NAA15: variants seen among roughly 807,000 people sequenced by gnomAD.
The protein encoded by NAA15 is N-terminal acetyltransferase.
Under a neutral mutation model 114.0 loss-of-function variants are expected in NAA15, and 34 were observed. The observed-to-expected ratio is 0.30, with a 90% CI of 0.23 to 0.40. The LOEUF (loss-of-function observed/expected upper bound fraction) is 0.40, where lower values mean the gene tolerates loss of function less well. NAA15 is among the 10% of genes least tolerant of loss of function. NAA15 has a pLI of 1.00. For missense variants in NAA15, 658 were observed against 1,004.5 expected (o/e 0.66, Z 4.66); for synonymous variants, 340 against 338.0 (o/e 1.01, Z -0.06).
At chr4:139,352,034 A>G (rs916115611) in intron 9 of NAA15, among the ~76,000 whole-genome samples, 2 of 151,690 alleles carry the variant, frequency 1.3e-5, no homozygotes, top group African/African-American at 4.8e-5. Context: ...AGTTTTTTTG[A>G]TGTTCTAATA....
rs892736777 is a variant in NAA15, at chr4:139,380,262, G to C, written c.2155+1408G>C. On this transcript the variant is annotated intron_variant, in intron 17 of 19. Transcript: ENST00000296543. ...TTTGTTTCTCTTTAGTTTTTTTGGG[G>C]GGGGGGAGTATGAAAAATAACTTTG... is the stretch of plus-strand genomic sequence containing the variant. Among the ~76,000 whole-genome samples the C allele has an allele frequency of 4.6e-3, 694 of 151,112 alleles. 3 individuals carry two copies. Among genetic ancestry groups the C allele is most frequent in the African/African-American group, 0.015 (619 of 41,114 alleles).
At chr4:139,387,327 A>C (rs1748937341) in intron 19 of NAA15, among the ~76,000 whole-genome samples, 1 of 152,256 alleles carries the variant, frequency 6.6e-6, no homozygotes, top group Non-Finnish European at 1.5e-5. Context: ...ACTCATTTTC[A>C]TGAACTAATT....
chr4:139,339,780 A>G (rs13126481), intron 3 of NAA15, among the ~76,000 whole-genome samples: 1 of 152,092 alleles, frequency 6.6e-6, no homozygotes. Context: ...AACAACAACA[A>G]AAAACAACAA....
rs1484108002 is a variant in NAA15, at chr4:139,389,326, T to G, written c.*1242T>G. 1 of 152,478 alleles carries G rather than the reference T, an allele frequency of 6.6e-6. No individual in the cohort carries two copies. The highest frequency in any genetic ancestry group is 1.5e-5 in the Non-Finnish European group (1 of 68,020). 9.4% of individuals were successfully genotyped at this position (152,478 alleles called of 1,614,324 possible). A position where few individuals can be genotyped will look rare whatever the true frequency, so the allele number is the denominator to read the frequency against. On this transcript the variant is annotated 3_prime_UTR_variant, in exon 20 of 20. Coordinates refer to ENST00000296543, the MANE Select transcript of NAA15 (RefSeq NM_057175.5). ...AATAAATTGTTTTGAAAAACAGTTG[T>G]GTGAATATTTCAACTAATCTGTGTT...
At chr4:139,385,750 T>C (rs895188869) in intron 18 of NAA15, among the ~76,000 whole-genome samples, 13 of 152,302 alleles carry the variant, frequency 8.5e-5, no homozygotes, top group African/African-American at 2.6e-4. Flanking sequence ...ACTGTTGAGA[T>C]AGGATAGTCC....
intron 1 of NAA15, among the ~76,000 whole-genome samples, chr4:139,308,231 G>A (rs1746092569): frequency 6.6e-6 from 1 of 152,090 alleles, no homozygotes; most frequent in South Asian, 2.1e-4. Context: ...TAAGTGCTAG[G>A]ATTACAGGCA....
At chr4:139,314,821 G>A (rs952103746) in intron 1 of NAA15, among the ~76,000 whole-genome samples, 4 of 151,728 alleles carry the variant, frequency 2.6e-5, no homozygotes, top group Admixed American at 2.0e-4. Context: ...GGGATTACAG[G>A]CGTGTGCCAC....
chr4:139,338,014 C>T (rs1202825543), intron 3 of NAA15, among the ~76,000 whole-genome samples: 1 of 152,162 alleles, frequency 6.6e-6, no homozygotes, highest in Non-Finnish European at 1.5e-5. Flanking sequence ...GTATAGTGTT[C>T]TGCCAATGTT....
Position 139,335,617 on chromosome 4 carries a change from C to T in NAA15, c.140-1231C>T, listed in dbSNP as rs535560568. On this transcript the variant is annotated intron_variant, in intron 2 of 19. Coordinates refer to ENST00000296543, the MANE Select transcript of NAA15 (RefSeq NM_057175.5). ...CTGACCTCAGGTGATCCACCCACCTCGGCCTCCCAAAGTGCTGGAATTACA... is the reference window on the plus strand; with the variant it reads ...CTGACCTCAGGTGATCCACCCACCTTGGCCTCCCAAAGTGCTGGAATTACA... Among the ~76,000 whole-genome samples, 7 of 151,648 alleles carry T rather than the reference C, an allele frequency of 4.6e-5. No individual in the cohort carries two copies. In the East Asian group the frequency reaches 9.8e-4, roughly 21 times the overall value.
rs377353095 is a variant in NAA15 at position 139,337,269 on chromosome 4, TC to T, written c.244+318del. On this transcript the variant is annotated intron_variant, in intron 3 of 19. Transcript: ENST00000296543. ...CGCTACCCCATTTGTTGAAAACTAA[TC>T]ACCAATGTGATAGTGGTAGGTGGTG... Among the ~76,000 whole-genome samples the T allele has an allele frequency of 6.4e-4, 97 of 152,348 alleles. No homozygotes were observed. The South Asian group carries it at 0.019, about 30-fold the overall frequency.
At chr4:139,311,629 T>G (rs1002340983) in intron 1 of NAA15, among the ~76,000 whole-genome samples, 1 of 151,930 alleles carries the variant, frequency 6.6e-6, no homozygotes, top group Non-Finnish European at 1.5e-5. Flanking sequence ...AGAAATGGTA[T>G]CAGGATTAAA....
Position 139,351,482 on chromosome 4 carries a change from G to A in NAA15, c.908-23G>A, listed in dbSNP as rs569551157. On this transcript the variant is annotated intron_variant, in intron 8 of 19. Coordinates refer to ENST00000296543, the MANE Select transcript of NAA15 (RefSeq NM_057175.5). ...AAGTAAATACTTGATAAATATAAGCGAAAAGGATTTTTCTCTTCCAAGGTG... is the reference window on the plus strand; with the variant it reads ...AAGTAAATACTTGATAAATATAAGCAAAAAGGATTTTTCTCTTCCAAGGTG... 9.6e-5 allele frequency: 132 copies of A among 1,381,160 alleles called. 3 individuals carry two copies. The South Asian group carries it at 1.0e-3, about 10-fold the overall frequency. 85.6% of individuals were successfully genotyped at this position (1,381,160 alleles called of 1,614,324 possible).
intron 1 of NAA15, among the ~76,000 whole-genome samples, chr4:139,313,267 G>A: frequency 6.6e-6 from 1 of 151,762 alleles, no homozygotes; most frequent in African/African-American, 2.4e-5. Flanking sequence ...ACAATAAAAT[G>A]GCTAAAATGG....
chr4:139,365,512 G>A (rs1748254703), intron 14 of NAA15, among the ~76,000 whole-genome samples: 1 of 152,040 alleles, frequency 6.6e-6, no homozygotes, highest in South Asian at 2.1e-4. Flanking sequence ...TCTAATTCGT[G>A]AGGTTGTTGA....
intron 1 of NAA15, among the ~76,000 whole-genome samples, chr4:139,319,254 A>T (rs778462593): frequency 2.6e-5 from 4 of 152,138 alleles, no homozygotes; most frequent in Non-Finnish European, 4.4e-5. Flanking sequence ...AGATCATGCT[A>T]CTGCACTCCA....
intron 8 of NAA15, 60 bp from the exon 9 acceptor site, chr4:139,351,423 GTTGGTAAATGTAAGTAAATACT>G (rs1243991607): frequency 1.5e-5 from 16 of 1,065,710 alleles, no homozygotes; most frequent in South Asian, 6.7e-5. Context: ...CTAAATGTAA[GTTGGTAAATGTAAGTAAATACT>G]TTGGTAAATG....
chr4:139,309,426 A>AGT (rs70943412), intron 1 of NAA15, among the ~76,000 whole-genome samples: 4,611 of 143,546 alleles, frequency 0.032, 139 homozygotes, highest in African/African-American at 0.072. Context: ...TTGCTTTTTA[A>AGT]GTGTGTGTGT....
In NAA15 at chr4:139,386,793, GTATGGA is replaced by G. The variant is rs1156779209; in HGVS notation, c.2400+564_2400+569del. On this transcript the variant is annotated intron_variant, in intron 19 of 19. Transcript: ENST00000296543. ...GCTGTGATTGTGACGCTGTACTCCAGTATGGACAACAGGGCAAGACCCTATCTCAAA... is the reference window on the plus strand; with the variant it reads ...GCTGTGATTGTGACGCTGTACTCCAGCAACAGGGCAAGACCCTATCTCAAA... Among the ~76,000 whole-genome samples the G allele has an allele frequency of 6.9e-3, 1,054 of 152,210 alleles. 15 individuals carry two copies. The highest frequency in any genetic ancestry group is 0.024 in the African/African-American group (1,003 of 41,532).
At chr4:139,320,027 A>G (rs150717276) in intron 1 of NAA15, among the ~76,000 whole-genome samples, 1 of 152,284 alleles carries the variant, frequency 6.6e-6, no homozygotes, top group East Asian at 1.9e-4. Context: ...CAGAGTGTTC[A>G]CTATTGCTTC....
Sources: gnomAD v4.1 joint callset for allele counts (sites outside exome capture counted in the v4.1 genomes callset) on GRCh38, gnomAD v4.1.1 for gene constraint, MANE v1.5 for transcripts, NCBI Gene and HGNC (gene_info 2026-07-23, HGNC 2026-07-21) for gene names.